The following TAS2R1 variants were observed in gnomAD, a reference collection of about 807,000 sequenced individuals.
TAS2R1 encodes the protein taste receptor type 2 member 1.
For missense variants in TAS2R1, 370 were observed against 353.4 expected, an observed-to-expected ratio of 1.05 and a Z score of -0.38; for synonymous variants, 141 against 134.2, an observed-to-expected ratio of 1.05 and a Z score of -0.35.
chr5:9,795,671 TGAA>T, the TAS2R1 span, among the ~76,000 whole-genome samples: 1 of 152,152 alleles, frequency 6.6e-6, no homozygotes, highest in Non-Finnish European at 1.5e-5. Flanking sequence ...GCTCAAGTGC[TGAA>T]GAAGTTTTTC....
chr5:9,709,854 GTGTT>G (rs1741696666), intron 1 of TAS2R1, among the ~76,000 whole-genome samples: 1 of 152,188 alleles, frequency 6.6e-6, no homozygotes, highest in African/African-American at 2.4e-5. Flanking sequence ...GAGATAATAA[GTGTT>G]TGTTATTTTA....
chr5:9,813,773 A>ATT, the TAS2R1 span, among the ~76,000 whole-genome samples: 1 of 152,184 alleles, frequency 6.6e-6, no homozygotes, highest in African/African-American at 2.4e-5. Context: ...CTAATTATAC[A>ATT]TTCTACATCA....
chr5:9,741,789 AG>A, the TAS2R1 span, among the ~76,000 whole-genome samples: 3 of 152,168 alleles, frequency 2.0e-5, no homozygotes, highest in Non-Finnish European at 2.9e-5. Context: ...TCCCAGTCCC[AG>A]GGTCGTGCCT....
At chr5:9,681,131 T>C (rs544644384) in intron 1 of TAS2R1, among the ~76,000 whole-genome samples, 1 of 152,144 alleles carries the variant, frequency 6.6e-6, no homozygotes, top group East Asian at 1.9e-4. Context: ...GTATCCTGAA[T>C]GGACTCTTGG....
At chr5:9,678,121 G>C (rs1229272301) in intron 1 of TAS2R1, among the ~76,000 whole-genome samples, 1 of 151,954 alleles carries the variant, frequency 6.6e-6, no homozygotes, top group African/African-American at 2.4e-5. Flanking sequence ...AATGGGCAAA[G>C]GACATGAACA....
the TAS2R1 span, among the ~76,000 whole-genome samples, chr5:9,799,823 T>C: frequency 1.3e-5 from 2 of 152,368 alleles, no homozygotes; most frequent in East Asian, 3.9e-4. Flanking sequence ...AGATGTTTGT[T>C]CTCAAGCACA....
chr5:9,629,724 A>G lies in TAS2R1; in HGVS notation c.309T>C (p.Tyr103=), dbSNP rs1421894217. The G allele has an allele frequency of 1.9e-6, 3 of 1,614,066 alleles. No homozygotes were observed. The highest frequency in any genetic ancestry group is 1.7e-6 in the Non-Finnish European group (2 of 1,179,988). Residue 103 remains tyrosine (Y), a synonymous_variant, in exon 1 of 1, where the codon TAT becomes TAC. Transcript: ENST00000382492. ...GACGGACGCTGGCAACCTTGGCACA[A>G]TAGAAAACGCCGAGCCATGTGGCAA... is the stretch of plus-strand genomic sequence containing the variant. ...LWLATWLGVF[Y]CAKVASVRHP...
At chr5:9,679,453 G>C (rs1431288295) in intron 1 of TAS2R1, among the ~76,000 whole-genome samples, 3 of 152,210 alleles carry the variant, frequency 2.0e-5, no homozygotes, top group Non-Finnish European at 4.4e-5. Context: ...ATGGGTAAAA[G>C]TGAGAAGAAA....
At chr5:9,727,847 T>C in the TAS2R1 span, among the ~76,000 whole-genome samples, 27 of 152,148 alleles carry the variant, frequency 1.8e-4, no homozygotes, top group African/African-American at 5.8e-4. Context: ...CAGGACTAGC[T>C]AAACACTCCA....
rs115408600 is a variant in TAS2R1 at position 9,691,642 on chromosome 5, G to A, written c.-242+20530C>T. Among the ~76,000 whole-genome samples the A allele has an allele frequency of 2.8e-3, 434 of 152,374 alleles. 1 individual carries two copies. Among genetic ancestry groups the A allele is most frequent in the African/African-American group, 9.5e-3 (396 of 41,602 alleles). On this transcript the variant is annotated intron_variant, in intron 1 of 2. Transcript: ENST00000506620. ...AAACTGGCATGAAGACTGAAGAAGT[G>A]AAGCAAAAGCATCTTCTAAAATGGC...
intron 1 of TAS2R1, among the ~76,000 whole-genome samples, chr5:9,704,893 C>T (rs1422389270): frequency 6.6e-6 from 1 of 152,152 alleles, no homozygotes; most frequent in Non-Finnish European, 1.5e-5. Flanking sequence ...ACATGCCCTG[C>T]GGTGTTACCA....
At chr5:9,793,987 G>A in the TAS2R1 span, among the ~76,000 whole-genome samples, 32 of 152,278 alleles carry the variant, frequency 2.1e-4, no homozygotes, top group African/African-American at 7.7e-4. Flanking sequence ...AAATAATGAA[G>A]CAAAACTAAC....
the TAS2R1 span, among the ~76,000 whole-genome samples, chr5:9,781,636 G>A: frequency 6.6e-6 from 1 of 152,154 alleles, no homozygotes; most frequent in African/African-American, 2.4e-5. Flanking sequence ...AAACCACTCT[G>A]ACAACACTGT....
At chr5:9,731,853 G>T in the TAS2R1 span, among the ~76,000 whole-genome samples, 10 of 152,280 alleles carry the variant, frequency 6.6e-5, no homozygotes, top group Admixed American at 4.6e-4. Flanking sequence ...ACAAATCATG[G>T]TAACCATGGT....
At chr5:9,692,688 T>C (rs1741273362) in intron 1 of TAS2R1, among the ~76,000 whole-genome samples, 1 of 152,198 alleles carries the variant, frequency 6.6e-6, no homozygotes, top group Non-Finnish European at 1.5e-5. Context: ...TGAGAAGACC[T>C]TCTCCCAGAT....
the TAS2R1 span, among the ~76,000 whole-genome samples, chr5:9,731,926 G>A: frequency 0.045 from 6,880 of 152,270 alleles, 160 homozygotes; most frequent in Non-Finnish European, 0.058. Context: ...TATGGTTAAC[G>A]CTGTGCTAAA....
At chr5:9,692,713 G>C (rs1741273765) in intron 1 of TAS2R1, among the ~76,000 whole-genome samples, 1 of 152,172 alleles carries the variant, frequency 6.6e-6, no homozygotes, top group Non-Finnish European at 1.5e-5. Context: ...AGGCCTAAAA[G>C]AGCCAGGCCT....
At chr5:9,693,192 A>T (rs1741283078) in intron 1 of TAS2R1, among the ~76,000 whole-genome samples, 1 of 152,154 alleles carries the variant, frequency 6.6e-6, no homozygotes, top group South Asian at 2.1e-4. Context: ...GAATATATAG[A>T]TTGTACAATG....
the TAS2R1 span, among the ~76,000 whole-genome samples, chr5:9,811,889 CA>C: frequency 6.6e-6 from 1 of 152,258 alleles, no homozygotes; most frequent in Admixed American, 6.5e-5. Context: ...CCTTTCAACA[CA>C]ACAGCCTCTT....
Sources: gnomAD v4.1 joint callset for allele counts (sites outside exome capture counted in the v4.1 genomes callset) on GRCh38, gnomAD v4.1.1 for gene constraint, MANE v1.5 for transcripts, NCBI Gene and HGNC (gene_info 2026-07-23, HGNC 2026-07-21) for gene names.